Variants in PTPRD observed in about 807,000 individuals in gnomAD.
PTPRD encodes the protein protein tyrosine phosphatase receptor type D, also known as receptor-type tyrosine-protein phosphatase delta.
Under a neutral mutation model 214.5 loss-of-function variants are expected in PTPRD, and 34 were observed. The ratio of observed to expected loss-of-function variants is 0.16; its 90% CI spans 0.12 to 0.21. The LOEUF (loss-of-function observed/expected upper bound fraction) is 0.21. Among genes scored for constraint, PTPRD ranks in the 10% least tolerant of loss-of-function variants. The probability of loss-of-function intolerance (pLI) is 1.00; values close to 1 mark genes in which losing one functional copy is unlikely to be tolerated. For synonymous variants in PTPRD, 1,128 were observed against 845.7 expected (o/e 1.33, Z -5.79); for missense variants, 2,545 against 2,398.7 (o/e 1.06, Z -1.27).
At chr9:9,444,596 G>T (rs1216218831) in intron 8 of PTPRD, among the ~76,000 whole-genome samples, 1 of 152,146 alleles carries the variant, frequency 6.6e-6, no homozygotes, top group East Asian at 1.9e-4. Flanking sequence ...TAAGGTATAG[G>T]AGATAGTCAA....
intron 3 of PTPRD, among the ~76,000 whole-genome samples, chr9:10,147,809 G>A (rs2099033915): frequency 6.6e-6 from 1 of 152,156 alleles, no homozygotes; most frequent in Non-Finnish European, 1.5e-5. Context: ...GAACCCGGGA[G>A]GCGGAGGTTG....
intron 9 of PTPRD, among the ~76,000 whole-genome samples, chr9:9,291,205 G>A (rs73641293): frequency 2.4e-4 from 36 of 151,512 alleles, no homozygotes; most frequent in African/African-American, 8.0e-4. Flanking sequence ...CAGGATTATC[G>A]TAACACTGAC....
intron 9 of PTPRD, among the ~76,000 whole-genome samples, chr9:9,369,124 G>A (rs952403610): frequency 6.6e-6 from 1 of 152,078 alleles, no homozygotes; most frequent in East Asian, 1.9e-4. Context: ...GTATTCCATG[G>A]TGTACATGTG....
intron 3 of PTPRD, among the ~76,000 whole-genome samples, chr9:10,215,592 A>G (rs1282357259): frequency 6.6e-6 from 1 of 152,058 alleles, no homozygotes; most frequent in African/African-American, 2.4e-5. Flanking sequence ...ATTTGATATT[A>G]TCTAGTTATT....
chr9:10,473,395 T>C (rs1485840814), intron 2 of PTPRD, among the ~76,000 whole-genome samples: 3 of 152,082 alleles, frequency 2.0e-5, no homozygotes, highest in Non-Finnish European at 2.9e-5. Flanking sequence ...ATGTCTCACT[T>C]TTATCTAGAG....
intron 9 of PTPRD, among the ~76,000 whole-genome samples, chr9:9,351,744 A>G (rs373554971): frequency 6.6e-6 from 1 of 152,068 alleles, no homozygotes; most frequent in African/African-American, 2.4e-5. Flanking sequence ...TGTCTGTGCC[A>G]AAGATTATAA....
intron 10 of PTPRD, among the ~76,000 whole-genome samples, chr9:9,108,412 C>T (rs968070586): frequency 6.6e-6 from 1 of 152,064 alleles, no homozygotes; most frequent in African/African-American, 2.4e-5. Context: ...CTGTGCTATG[C>T]TGCAATGAAA....
chr9:8,495,016 G>T (rs552009392), intron 26 of PTPRD, among the ~76,000 whole-genome samples: 84 of 152,052 alleles, frequency 5.5e-4, no homozygotes, highest in African/African-American at 1.9e-3. Context: ...CACAGTCACT[G>T]GTCTACTGTT....
intron 8 of PTPRD, among the ~76,000 whole-genome samples, chr9:9,467,172 A>G (rs942583454): frequency 5.5e-5 from 8 of 146,290 alleles, no homozygotes; most frequent in African/African-American, 5.0e-5. Context: ...TAGATTTTGT[A>G]TAGGAATAAT....
intron 8 of PTPRD, among the ~76,000 whole-genome samples, chr9:9,513,872 TA>T (rs1428807096): frequency 1.3e-4 from 19 of 151,952 alleles, no homozygotes; most frequent in Non-Finnish European, 2.9e-5. Flanking sequence ...CTTCCTCAAA[TA>T]AAAAGGGAGC....
At chr9:9,196,344 A>T (rs1369012295) in intron 9 of PTPRD, among the ~76,000 whole-genome samples, 1 of 152,200 alleles carries the variant, frequency 6.6e-6, no homozygotes, top group African/African-American at 2.4e-5. Flanking sequence ...ATTAAACACC[A>T]TTCTAAGTAA....
At chr9:9,628,111 A>T (rs1002209039) in intron 7 of PTPRD, among the ~76,000 whole-genome samples, 8 of 152,198 alleles carry the variant, frequency 5.3e-5, no homozygotes, top group African/African-American at 1.9e-4. Context: ...TGCCTTCTAA[A>T]ATTTTAATCA....
chr9:8,661,174 C>T (rs1218481096), intron 12 of PTPRD, among the ~76,000 whole-genome samples: 1 of 152,052 alleles, frequency 6.6e-6, no homozygotes, highest in Non-Finnish European at 1.5e-5. Flanking sequence ...CAAAAATGCT[C>T]TGGACATAAA....
intron 9 of PTPRD, among the ~76,000 whole-genome samples, chr9:9,371,841 T>C (rs1344959648): frequency 6.6e-6 from 1 of 152,198 alleles, no homozygotes; most frequent in African/African-American, 2.4e-5. Flanking sequence ...TCAAAGAACA[T>C]CTTTATTTCT....
At chr9:9,903,488 C>A (rs1486585777) in intron 5 of PTPRD, among the ~76,000 whole-genome samples, 1 of 151,962 alleles carries the variant, frequency 6.6e-6, no homozygotes, top group East Asian at 1.9e-4. Flanking sequence ...GATCAGGTAC[C>A]CAATAAATAA....
chr9:9,681,778 A>G (rs937063138), intron 7 of PTPRD, among the ~76,000 whole-genome samples: 1 of 151,826 alleles, frequency 6.6e-6, no homozygotes, highest in Non-Finnish European at 1.5e-5. Context: ...GGTGGTCACT[A>G]GAGAATTGAT....
chr9:8,469,259 G>A (rs1258532912), intron 31 of PTPRD, among the ~76,000 whole-genome samples: 1 of 151,966 alleles, frequency 6.6e-6, no homozygotes, highest in Admixed American at 6.6e-5. Context: ...CATTTTGGAG[G>A]TTAAAACCTG....
chr9:9,959,269 A>G lies in PTPRD; in HGVS notation c.-471-20659T>C, dbSNP rs375451552. 1.5e-3 allele frequency among the ~76,000 whole-genome samples: 232 copies of G among 152,312 alleles called. 6 individuals are homozygous for G. In the South Asian group the frequency reaches 0.047, roughly 31 times the overall value. On this transcript the variant is annotated intron_variant, in intron 4 of 45. Coordinates refer to ENST00000381196, the MANE Select transcript of PTPRD (RefSeq NM_002839.4). ...AGCTGACATATTTGTGATTACAATTATATATTATTCTAGAAAAGGCAAAAC... is the reference window on the plus strand; with the variant it reads ...AGCTGACATATTTGTGATTACAATTGTATATTATTCTAGAAAAGGCAAAAC...
At chr9:9,168,939 T>C (rs2099909246) in intron 10 of PTPRD, among the ~76,000 whole-genome samples, 1 of 151,716 alleles carries the variant, frequency 6.6e-6, no homozygotes, top group Admixed American at 6.6e-5. Context: ...TGCTCTCCTG[T>C]CTCTGTATAA....
Sources: allele counts gnomAD v4.1 joint callset (sites outside exome capture counted in the v4.1 genomes callset), GRCh38; gene constraint gnomAD v4.1.1; transcripts MANE v1.5; gene names NCBI Gene and HGNC (gene_info 2026-07-23, HGNC 2026-07-21).